The following GPATCH8 variants were observed in gnomAD, a reference collection of about 807,000 sequenced individuals.
GPATCH8 encodes the protein G patch domain-containing protein 8.
A neutral mutation model predicts 118.3 loss-of-function variants in GPATCH8; 18 were observed. That is an observed-to-expected ratio of 0.15 (90% confidence interval 0.11 to 0.23). The LOEUF is 0.23. GPATCH8 is among the 10% of genes least tolerant of loss of function. The pLI, the probability that GPATCH8 is intolerant of heterozygous loss-of-function variation, is 1.00. For synonymous variants in GPATCH8, 659 were observed against 684.7 expected, an observed-to-expected ratio of 0.96 and a Z score of 0.59; for missense variants, 1,631 against 1,873.8, an observed-to-expected ratio of 0.87 and a Z score of 2.39.
chr17:44,503,292 C>A (rs1335877076), intron 1 of GPATCH8, 34 bp downstream of exon 1: 4 of 1,586,948 alleles, frequency 2.5e-6, no homozygotes, highest in South Asian at 1.1e-5. Context: ...TAGACCAGCG[C>A]CTTCCCCGCA....
chr17:44,498,542 G>A (rs560326390), intron 1 of GPATCH8, among the ~76,000 whole-genome samples: 1 of 152,214 alleles, frequency 6.6e-6, no homozygotes, highest in South Asian at 2.1e-4. Context: ...GGTCACTCTC[G>A]ATCTCCTAAG....
chr17:44,438,733 C>G (rs2144063001), intron 3 of GPATCH8: 1 of 152,590 alleles, frequency 6.6e-6, no homozygotes, highest in Admixed American at 6.6e-5. Context: ...AAAGAAATAC[C>G]ATTTGTTAGG....
At chr17:44,429,276 A>G (rs1304976836) in intron 5 of GPATCH8, among the ~76,000 whole-genome samples, 1 of 152,220 alleles carries the variant, frequency 6.6e-6, no homozygotes, top group Non-Finnish European at 1.5e-5. Flanking sequence ...AAAAATGTTT[A>G]AAAGACCCTT....
chr17:44,474,030 CT>C (rs1175224755), intron 2 of GPATCH8, among the ~76,000 whole-genome samples: 1 of 152,188 alleles, frequency 6.6e-6, no homozygotes, highest in South Asian at 2.1e-4. Flanking sequence ...CCCTTTTTGA[CT>C]TTTTTTCCCC....
At chr17:44,448,474 G>A (rs1316727671) in intron 3 of GPATCH8, among the ~76,000 whole-genome samples, 4 of 120,226 alleles carry the variant, frequency 3.3e-5, no homozygotes, top group Non-Finnish European at 6.5e-5. Context: ...GCTGAGGTGG[G>A]AGGATCACGT....
At chr17:44,432,154 G>A (rs1040455643) in intron 5 of GPATCH8, among the ~76,000 whole-genome samples, 80 of 151,678 alleles carry the variant, frequency 5.3e-4, no homozygotes, top group African/African-American at 1.8e-3. Flanking sequence ...TGCCAATACA[G>A]GAAAGAAGTG....
intron 6 of GPATCH8, among the ~76,000 whole-genome samples, chr17:44,412,725 C>T (rs573649925): frequency 6.6e-6 from 1 of 152,312 alleles, no homozygotes; most frequent in African/African-American, 2.4e-5. Context: ...TGTGTTGTAT[C>T]TCGACCACTA....
chr17:44,471,269 A>G (rs922560414), intron 2 of GPATCH8, among the ~76,000 whole-genome samples: 32 of 152,242 alleles, frequency 2.1e-4, no homozygotes, highest in Non-Finnish European at 4.4e-5. Context: ...TAAAATTGAA[A>G]TACCAATATC....
chr17:44,460,910 G>C lies in GPATCH8; in HGVS notation c.193+3562C>G, dbSNP rs2051519436. ...AAATTATGTGGGTACTATAGAAAGA[G>C]GTATGTGAGAGAAACCAGCACAATG... is the stretch of plus-strand genomic sequence containing the variant. On this transcript the variant is annotated intron_variant, in intron 3 of 7. Coordinates refer to ENST00000591680, the MANE Select transcript of GPATCH8 (RefSeq NM_001002909.4). Among the ~76,000 whole-genome samples, 5 of 152,130 alleles carry C rather than the reference G, an allele frequency of 3.3e-5. No homozygotes were observed. In the South Asian group the frequency reaches 1.0e-3, roughly 32 times the overall value.
At chr17:44,447,232 G>A (rs1362364065) in intron 3 of GPATCH8, among the ~76,000 whole-genome samples, 1 of 151,478 alleles carries the variant, frequency 6.6e-6, no homozygotes, top group African/African-American at 2.4e-5. Context: ...TTGGCTCACT[G>A]CAACCTCTAC....
chr17:44,482,106 G>C (rs900253989), intron 1 of GPATCH8, among the ~76,000 whole-genome samples: 1 of 151,998 alleles, frequency 6.6e-6, no homozygotes, highest in Non-Finnish European at 1.5e-5. Flanking sequence ...GGGCGACAGA[G>C]TGAGACTCTT....
intron 1 of GPATCH8, among the ~76,000 whole-genome samples, chr17:44,500,305 A>G (rs1969963024): frequency 6.6e-6 from 1 of 152,224 alleles, no homozygotes; most frequent in African/African-American, 2.4e-5. Flanking sequence ...TGAAAACGGC[A>G]GTAATAACAG....
rs1296990982 is a variant in GPATCH8, at chr17:44,399,372, C to T, written c.2705G>A (p.Arg902Gln). 1.9e-5 allele frequency: 31 copies of T among 1,614,122 alleles called. No homozygotes were observed. Among genetic ancestry groups the T allele is most frequent in the Admixed American group, 5.0e-5 (3 of 60,010 alleles). ...DSYSDYSDRSRRHSKRSHDSD... is the reference protein window; with the variant it reads ...DSYSDYSDRSQRHSKRSHDSD... ...GTCATGGGAGCGCTTGGAGTGCCTT[C>T]GTGATCTGTCACTGTAGTCACTGTA... Residue 902 changes from arginine (R) to glutamine (Q), a missense_variant, in exon 8 of 8, where the codon CGA becomes CAA. Physicochemically the swap from Arg to Gln is conservative, Grantham distance 43 (BLOSUM62 1). Coordinates refer to ENST00000591680, the MANE Select transcript of GPATCH8 (RefSeq NM_001002909.4).
At chr17:44,402,647 T>TGG (rs2049071308) in intron 7 of GPATCH8, among the ~76,000 whole-genome samples, 1 of 152,198 alleles carries the variant, frequency 6.6e-6, no homozygotes, top group Non-Finnish European at 1.5e-5. Flanking sequence ...AATTTCCCCA[T>TGG]GCTTTCAAAT....
chr17:44,454,795 T>C (rs2051264412), intron 3 of GPATCH8, among the ~76,000 whole-genome samples: 1 of 152,230 alleles, frequency 6.6e-6, no homozygotes, highest in African/African-American at 2.4e-5. Context: ...ATCTTGTTTA[T>C]TACCTGGGCC....
In GPATCH8 at chr17:44,405,904, A is replaced by G; in HGVS notation, c.623+17T>C. On this transcript the variant is annotated intron_variant, in intron 7 of 7. Coordinates refer to ENST00000591680, the MANE Select transcript of GPATCH8 (RefSeq NM_001002909.4). ...TTATAATTATCTGTACAACCCTCTGATAAAAAATATCCTCACCATTCAGCT... is the reference window on the plus strand; with the variant it reads ...TTATAATTATCTGTACAACCCTCTGGTAAAAAATATCCTCACCATTCAGCT... The G allele has an allele frequency of 6.4e-7, 1 of 1,573,216 alleles. No individual in the cohort carries two copies. The highest frequency in any genetic ancestry group is 1.3e-5 in the African/African-American group (1 of 74,284).
intron 3 of GPATCH8, among the ~76,000 whole-genome samples, chr17:44,444,012 A>C (rs190417737): frequency 2.4e-3 from 366 of 152,290 alleles, no homozygotes; most frequent in African/African-American, 8.7e-3. Flanking sequence ...TAAGGCACAC[A>C]AGTTTAATTA....
chr17:44,412,927 T>C (rs1185697212), intron 6 of GPATCH8, among the ~76,000 whole-genome samples: 1 of 152,178 alleles, frequency 6.6e-6, no homozygotes, highest in Non-Finnish European at 1.5e-5. Context: ...AGTTGTTGCT[T>C]GCCCGGGTCA....
intron 1 of GPATCH8, among the ~76,000 whole-genome samples, chr17:44,483,945 G>T (rs536702713): frequency 1.3e-5 from 2 of 152,016 alleles, no homozygotes; most frequent in African/African-American, 4.8e-5. Context: ...AGGTTCAAGC[G>T]ATTCTCCTGC....
Sources: gnomAD v4.1 joint callset for allele counts (sites outside exome capture counted in the v4.1 genomes callset) on GRCh38, gnomAD v4.1.1 for gene constraint, MANE v1.5 for transcripts, NCBI Gene and HGNC (gene_info 2026-07-23, HGNC 2026-07-21) for gene names.